The following DMBT1 variants were observed in gnomAD, a reference collection of about 807,000 sequenced individuals.
DMBT1 encodes the protein scavenger receptor cysteine-rich domain-containing protein DMBT1.
DMBT1 carries 198 observed loss-of-function variants against 252.9 expected under a neutral mutation model. That is an observed-to-expected ratio of 0.78 (90% CI 0.70 to 0.88). The LOEUF is 0.88. Among genes scored for constraint, DMBT1 ranks in the 40% least tolerant of loss-of-function variants. The probability of loss-of-function intolerance (pLI) is 0.00; values close to 1 mark genes in which losing one functional copy is unlikely to be tolerated. For synonymous variants in DMBT1, 990 were observed against 942.7 expected (o/e 1.05, Z -0.92); for missense variants, 2,432 against 2,404.7 (o/e 1.01, Z -0.24).
In DMBT1 at chr10:122,586,202, G is replaced by A. The variant is rs762807417; in HGVS notation, c.1602G>A (p.Gln534=). Residue 534 remains glutamine (Q), a synonymous_variant, in exon 16 of 56, where the codon CAG becomes CAA. Coordinates refer to ENST00000338354, the MANE Select transcript of DMBT1 (RefSeq NM_001377530.1). The stretch of plus-strand genomic sequence containing the variant: ...ATGATGCCAATGTGGTCTGCAGGCA[G>A]CTGGGCTGTGGCTGGGCCATGTTGG... ...DTNDANVVCR[Q]LGCGWAMLAP... 22 of 1,589,200 alleles carry A rather than the reference G, an allele frequency of 1.4e-5. 1 individual carries two copies. The Admixed American group carries it at 2.0e-4, about 15-fold the overall frequency.
chr10:122,618,928 C>G (rs2098031661), intron 41 of DMBT1, among the ~76,000 whole-genome samples: 1 of 152,272 alleles, frequency 6.6e-6, no homozygotes, highest in Non-Finnish European at 1.5e-5. Flanking sequence ...CCCCATGAGT[C>G]TGGCCAGGCA....
At chr10:122,620,317 A>G in intron 43 of DMBT1, 26 bp downstream of exon 43, 1 of 1,612,924 alleles carries the variant, frequency 6.2e-7, no homozygotes, top group Non-Finnish European at 8.5e-7. Flanking sequence ...GCCCCTCCCT[A>G]GGGCTCACTC....
rs777203004 is a variant in DMBT1 at position 122,589,182 on chromosome 10, T to C, written c.2022T>C (p.His674=). The C allele has an allele frequency of 2.7e-5, 43 of 1,588,424 alleles. 7 individuals are homozygous for C. Among genetic ancestry groups the C allele is most frequent in the African/African-American group, 1.1e-4 (8 of 74,652 alleles). Residue 674 remains histidine (H), a synonymous_variant, in exon 17 of 56, where the codon CAT becomes CAC. Transcript: ENST00000338354. ...TGGATGATGTGCGCTGCTCAGGACATGAGTCCTACCTGTGGAGCTGCCCCA... is the reference window on the plus strand; with the variant it reads ...TGGATGATGTGCGCTGCTCAGGACACGAGTCCTACCTGTGGAGCTGCCCCA... ...IVLDDVRCSG[H]ESYLWSCPNN...
intron 17 of DMBT1, among the ~76,000 whole-genome samples, chr10:122,590,448 A>G (rs1392916102): frequency 2.0e-5 from 3 of 148,610 alleles, no homozygotes; most frequent in African/African-American, 7.3e-5. Flanking sequence ...GTGGGTAGAC[A>G]CAAACTTAAT....
intron 27 of DMBT1, 104 bp downstream of exon 27, chr10:122,600,197 G>T (rs2097932571): frequency 1.4e-6 from 2 of 1,455,386 alleles, no homozygotes; most frequent in Non-Finnish European, 1.9e-6. Flanking sequence ...GATACTGTGG[G>T]GCATATTATT....
At chr10:122,580,540 A>C (rs529246822) in intron 10 of DMBT1, among the ~76,000 whole-genome samples, 3 of 149,326 alleles carry the variant, frequency 2.0e-5, no homozygotes. Flanking sequence ...AAGATCGCAC[A>C]AGGGATTTTG....
chr10:122,629,941 G>A lies in DMBT1; in HGVS notation c.5770G>A (p.Glu1924Lys), dbSNP rs1211744150. The A allele has an allele frequency of 1.2e-6, 2 of 1,613,988 alleles. No homozygotes were observed. Among genetic ancestry groups the A allele is most frequent in the Admixed American group, 1.7e-5 (1 of 60,016 alleles). The change falls in exon 47 of 56, where the codon GAA becomes AAA. Residue 1924 changes from glutamate to lysine, a missense_variant. Glu to Lys is a moderately conservative substitution (Grantham distance 56). Transcript: ENST00000338354. ...CCCCAACAATGCTAAGTGTGTTTGG[G>A]AAATAGAAGTGAATTCTGGTTATCG... is the stretch of plus-strand genomic sequence containing the variant. The part of the protein sequence containing the change: ...YYPNNAKCVW[E>K]IEVNSGYRIN...
At chr10:122,600,018 T>G in intron 26 of DMBT1, 46 bp from the exon 27 acceptor site, 1 of 1,606,052 alleles carries the variant, frequency 6.2e-7, no homozygotes, top group Non-Finnish European at 8.5e-7. Flanking sequence ...CTTTGCCGAC[T>G]TCTGTGTAAT....
intron 10 of DMBT1, among the ~76,000 whole-genome samples, chr10:122,580,525 G>T (rs1214854921): frequency 1.3e-5 from 2 of 152,192 alleles, no homozygotes; most frequent in Non-Finnish European, 2.9e-5. Flanking sequence ...TGTGATTGGG[G>T]CTTGAAGATC....
chr10:122,634,340 T>TTTTCTTTCTTTCTTTCTTTCTTTC (rs776949913), intron 52 of DMBT1, among the ~76,000 whole-genome samples: 1 of 99,902 alleles, frequency 1.0e-5, no homozygotes, highest in Non-Finnish European at 2.0e-5. Context: ...CTAAAAGCAC[T>TTTTCTTTCTTTCTTTCTTTCTTTC]TTTCTTTCTT....
In DMBT1 at chr10:122,625,956, A is replaced by T; in HGVS notation, c.5659A>T (p.Thr1887Ser). The part of the protein sequence containing the change: ...TTDWWHPTTT[T>S]TARPSSNCGG... ...AGATTGGTGGCATCCAACAACTACA[A>T]CCACTGCAAGTAGGTATCACATTTT... The change falls in exon 46 of 56, where the codon ACC becomes TCC. Residue 1887 changes from threonine (T) to serine (S), a missense_variant. Physicochemically the swap from Thr to Ser is moderately conservative, Grantham distance 58 (BLOSUM62 1). This residue lies in a region of DMBT1 where 1,162 missense variants were observed against 1,169.0 expected (regional missense o/e 0.99). Transcript: ENST00000338354. The T allele has an allele frequency of 6.2e-7, 1 of 1,612,088 alleles. No homozygotes were observed.
At chr10:122,619,407 A>C in intron 42 of DMBT1, 70 bp downstream of exon 42, 1 of 1,595,170 alleles carries the variant, frequency 6.3e-7, no homozygotes, top group South Asian at 1.1e-5. Context: ...CCCACTCCAC[A>C]GAGCTCTCCT....
In DMBT1 at chr10:122,618,228, C is replaced by T. The variant is rs762773421; in HGVS notation, c.5103C>T (p.Val1701=). Residue 1701 remains valine (V), a synonymous_variant, in exon 41 of 56, where the codon GTC becomes GTT. Coordinates refer to ENST00000338354, the MANE Select transcript of DMBT1 (RefSeq NM_001377530.1). ...AQFGQGSGPI[V]LDDVRCSGHE... The stretch of plus-strand genomic sequence containing the variant: ...TTGGCCAGGGCTCAGGACCCATTGT[C>T]CTGGATGATGTGCGCTGCTCAGGAC... 2 of 1,613,784 alleles carry T rather than the reference C, an allele frequency of 1.2e-6. No individual in the cohort carries two copies. Among genetic ancestry groups the T allele is most frequent in the Non-Finnish European group, 1.7e-6 (2 of 1,179,786 alleles).
At chr10:122,626,753 C>T (rs915539718) in intron 46 of DMBT1, among the ~76,000 whole-genome samples, 1 of 152,196 alleles carries the variant, frequency 6.6e-6, no homozygotes, top group Non-Finnish European at 1.5e-5. Context: ...TAGAAAATTA[C>T]AGTTGTGACA....
chr10:122,600,131 C>T (rs762822839), intron 27 of DMBT1, 38 bp downstream of exon 27: 28 of 1,600,304 alleles, frequency 1.7e-5, no homozygotes, highest in Non-Finnish European at 2.4e-5. Flanking sequence ...TGTCCCTTCT[C>T]TTTCTGCCCA....
chr10:122,571,325 T>G (rs1210578266), intron 4 of DMBT1, among the ~76,000 whole-genome samples: 1 of 152,166 alleles, frequency 6.6e-6, no homozygotes, highest in African/African-American at 2.4e-5. Context: ...GGAATCACCT[T>G]GTGGACTGGT....
chr10:122,587,362 C>G (rs540383205), intron 16 of DMBT1, among the ~76,000 whole-genome samples: 1 of 148,742 alleles, frequency 6.7e-6, no homozygotes, highest in African/African-American at 2.4e-5. Context: ...CTGTCCATAT[C>G]TGACCTGGGT....
intron 2 of DMBT1, among the ~76,000 whole-genome samples, chr10:122,568,404 A>AG (rs1250224301): frequency 6.6e-6 from 1 of 152,120 alleles, no homozygotes; most frequent in Non-Finnish European, 1.5e-5. Context: ...GAGGTTCTCC[A>AG]GGGGGAAAAT....
In DMBT1 at chr10:122,640,386, C is replaced by G; in HGVS notation, c.7289C>G (p.Thr2430Ser). 6.2e-7 allele frequency: 1 copy of G among 1,614,036 alleles called. No homozygotes were observed. The highest frequency in any genetic ancestry group is 8.5e-7 in the Non-Finnish European group (1 of 1,179,906). The change falls in exon 55 of 56, where the codon ACC (threonine) becomes AGC (serine). Residue 2430 changes from threonine (T) to serine (S), a missense_variant. Physicochemically the swap from Thr to Ser is moderately conservative, Grantham distance 58. Coordinates refer to ENST00000338354, the MANE Select transcript of DMBT1 (RefSeq NM_001377530.1). ...GCTGTACTGACCTTGTTTGTGGACA[C>G]CTGCGTGGCATCACCATACTCCAAT... ...SDAVLTLFVD[T>S]CVASPYSNDF...
Sources: allele counts gnomAD v4.1 joint callset (sites outside exome capture counted in the v4.1 genomes callset), GRCh38; gene constraint gnomAD v4.1.1; regional missense constraint gnomAD v4.1.1; transcripts MANE v1.5; gene names NCBI Gene and HGNC (gene_info 2026-07-23, HGNC 2026-07-21).